Variants in SASH1 observed in about 807,000 individuals in gnomAD.
The protein encoded by SASH1 is SAM and SH3 domain-containing protein 1.
In SASH1, 44 loss-of-function variants were observed where a neutral mutation model predicts 125.2. That is an observed-to-expected ratio of 0.35 (90% CI 0.28 to 0.45). The LOEUF is 0.45. Among genes scored for constraint, SASH1 ranks in the 20% least tolerant of loss-of-function variants. SASH1 has a pLI of 1.00. For missense variants in SASH1, 1,426 were observed against 1,614.5 expected, an observed-to-expected ratio of 0.88 and a Z score of 2.00; for synonymous variants, 639 against 649.1, an observed-to-expected ratio of 0.98 and a Z score of 0.24.
intron 4 of SASH1, among the ~76,000 whole-genome samples, chr6:148,452,674 C>T (rs374247017): frequency 8.7e-5 from 13 of 149,716 alleles, no homozygotes; most frequent in South Asian, 2.2e-4. Context: ...GCCTGGCACG[C>T]GATAGGTGCT....
chr6:148,461,577 G>A (rs571668258), intron 4 of SASH1, among the ~76,000 whole-genome samples: 135 of 152,204 alleles, frequency 8.9e-4, no homozygotes, highest in African/African-American at 3.0e-3. Context: ...TGCACCTGCC[G>A]GATTCTGAGA....
chr6:148,361,143 G>A (rs1012002119), intron 1 of SASH1, among the ~76,000 whole-genome samples: 10 of 152,318 alleles, frequency 6.6e-5, no homozygotes, highest in African/African-American at 2.4e-4. Flanking sequence ...AGGAAGTGGC[G>A]AGGACCTCTA....
At chr6:148,348,912 G>A (rs1471487162) in intron 1 of SASH1, among the ~76,000 whole-genome samples, 2 of 152,342 alleles carry the variant, frequency 1.3e-5, no homozygotes, top group African/African-American at 2.4e-5. Flanking sequence ...TGGGCAGAGC[G>A]CCCCGAAGGC....
chr6:148,543,721 A>G lies in SASH1; in HGVS notation c.2251A>G (p.Thr751Ala), dbSNP rs1272937902. The G allele has an allele frequency of 1.7e-5, 27 of 1,579,518 alleles. No individual in the cohort carries two copies. Among genetic ancestry groups the G allele is most frequent in the Non-Finnish European group, 2.3e-5 (27 of 1,159,766 alleles). Residue 751 changes from threonine to alanine, a missense_variant, in exon 18 of 20, where the codon ACC (threonine) becomes GCC (alanine). Coordinates refer to ENST00000367467, the MANE Select transcript of SASH1 (RefSeq NM_015278.5). ...KASLLSAKSSTEPSLKSFSRN... is the reference protein window; with the variant it reads ...KASLLSAKSSAEPSLKSFSRN... Reference sequence around the variant, plus strand: ...TAGCCTCCTATCTGCCAAGTCATCCACCGAGCCCAGCTTGAAGTCTTTTAG... The same window carrying G: ...TAGCCTCCTATCTGCCAAGTCATCCGCCGAGCCCAGCTTGAAGTCTTTTAG...
At chr6:148,421,197 G>GAAAGAAAGA in intron 2 of SASH1, among the ~76,000 whole-genome samples, 1 of 143,470 alleles carries the variant, frequency 7.0e-6, no homozygotes, top group African/African-American at 2.6e-5. Context: ...AAGAAAGAAA[G>GAAAGAAAGA]AAAGAAAGAA....
chr6:148,323,336 A>C (rs1780704983), intron 1 of SASH1, among the ~76,000 whole-genome samples: 1 of 152,138 alleles, frequency 6.6e-6, no homozygotes, highest in Non-Finnish European at 1.5e-5. Flanking sequence ...AAAATAAAAA[A>C]TAAACATACC....
the SASH1 span, among the ~76,000 whole-genome samples, chr6:148,243,955 T>A: frequency 6.6e-6 from 1 of 152,126 alleles, no homozygotes; most frequent in African/African-American, 2.4e-5. Context: ...TTGGAGTCTC[T>A]CCTCTGACAA....
chr6:148,373,540 C>T (rs536225563), intron 1 of SASH1, among the ~76,000 whole-genome samples: 4 of 152,114 alleles, frequency 2.6e-5, no homozygotes, highest in Admixed American at 1.3e-4. Context: ...AACAGGAGCC[C>T]GAGTAAGGTT....
chr6:148,532,904 C>T lies in SASH1; in HGVS notation c.1672C>T (p.Arg558Cys), dbSNP rs1781608467. Residue 558 changes from arginine (R) to cysteine (C), a missense_variant, in exon 14 of 20, where the codon CGT becomes TGT. Around this residue, in one of 3 missense-constraint regions of SASH1, gnomAD observed 225 missense variants for 344.5 expected, o/e 0.65. Transcript: ENST00000367467. The surrounding 1 kb of genome is among the most constrained non-coding windows in gnomAD (Gnocchi z 4.7). ...GCCTTACCGAGGCCCGTTCTGCGGG[C>T]GTGCCAGGGTGCACACCGACTTCAC... ...EPPYRGPFCGRARVHTDFTPS... is the reference protein window; with the variant it reads ...EPPYRGPFCGCARVHTDFTPS... 2.5e-6 allele frequency: 4 copies of T among 1,614,228 alleles called. No individual in the cohort carries two copies. Among genetic ancestry groups the T allele is most frequent in the Non-Finnish European group, 2.5e-6 (3 of 1,180,036 alleles).
intron 1 of SASH1, among the ~76,000 whole-genome samples, chr6:148,363,837 G>A (rs2114718361): frequency 6.6e-6 from 1 of 152,110 alleles, no homozygotes; most frequent in South Asian, 2.1e-4. Context: ...GATTGCTGAG[G>A]GTTAGCAATG....
chr6:148,218,900 T>C, the SASH1 span, among the ~76,000 whole-genome samples: 1 of 152,200 alleles, frequency 6.6e-6, no homozygotes, highest in African/African-American at 2.4e-5. Context: ...TTTTATAAAC[T>C]CTGAAATATC....
In SASH1 at chr6:148,543,928, C is replaced by T. The variant is rs778263238; in HGVS notation, c.2458C>T (p.Arg820Trp). The change falls in exon 18 of 20, where the codon CGG (arginine) becomes TGG (tryptophan). Residue 820 changes from arginine to tryptophan, a missense_variant. Arg to Trp is a moderately radical substitution (Grantham distance 101, BLOSUM62 -3). Transcript: ENST00000367467. The part of the protein sequence containing the change: ...NRRSLPVSIC[R>W]SCETLEGPQT... ...AAGAAGCCTCCCAGTTTCCATCTGC[C>T]GGAGCTGTGAGACCCTGGAGGGCCC... is the stretch of plus-strand genomic sequence containing the variant. 1.2e-5 allele frequency: 19 copies of T among 1,614,178 alleles called. No individual in the cohort carries two copies. In the African/African-American group the frequency reaches 1.2e-4, roughly 10 times the overall value.
At chr6:148,461,663 A>G (rs187526143) in intron 4 of SASH1, among the ~76,000 whole-genome samples, 40 of 152,338 alleles carry the variant, frequency 2.6e-4, no homozygotes, top group African/African-American at 9.6e-4. Context: ...TCTCTCTGGC[A>G]TCATCCAAGT....
chr6:148,321,429 G>A (rs1488423026), intron 1 of SASH1, among the ~76,000 whole-genome samples: 2 of 149,514 alleles, frequency 1.3e-5, no homozygotes, highest in African/African-American at 4.9e-5. Context: ...ATGGATGTAT[G>A]TGCATGAAAG....
At chr6:148,471,919 C>T (rs143851681) in intron 6 of SASH1, among the ~76,000 whole-genome samples, 58 of 152,336 alleles carry the variant, frequency 3.8e-4, no homozygotes, top group African/African-American at 1.3e-3. Context: ...ACTTCTGATG[C>T]TCTTCTGCAG....
upstream of SASH1, among the ~76,000 whole-genome samples, chr6:148,269,294 T>A (rs1403277253): frequency 2.0e-5 from 3 of 151,754 alleles, no homozygotes; most frequent in East Asian, 3.9e-4. Flanking sequence ...TTGTCTTTTT[T>A]AATTTTTTTT....
chr6:148,517,363 C>A (rs1465976513), intron 9 of SASH1, among the ~76,000 whole-genome samples: 1 of 152,204 alleles, frequency 6.6e-6, no homozygotes, highest in South Asian at 2.1e-4. Flanking sequence ...GCCAAAATCA[C>A]CTTGCCTTTG....
intron 2 of SASH1, among the ~76,000 whole-genome samples, chr6:148,433,935 T>C (rs1226343972): frequency 6.6e-6 from 1 of 151,874 alleles, no homozygotes; most frequent in Non-Finnish European, 1.5e-5. Flanking sequence ...TTTAAAAATA[T>C]ATTAAAGTAA....
At chr6:148,219,821 C>G in the SASH1 span, among the ~76,000 whole-genome samples, 3 of 152,138 alleles carry the variant, frequency 2.0e-5, no homozygotes, top group Non-Finnish European at 4.4e-5. Flanking sequence ...GGGTGTTTCC[C>G]CACGTGCATA....
Sources: gnomAD v4.1 joint callset for allele counts (sites outside exome capture counted in the v4.1 genomes callset) on GRCh38, gnomAD v4.1.1 for gene constraint, gnomAD v4.1.1 regional missense constraint, Gnocchi (gnomAD v3.1) non-coding constraint, MANE v1.5 for transcripts, NCBI Gene and HGNC (gene_info 2026-07-23, HGNC 2026-07-21) for gene names.